CNTNAP5: variants seen among roughly 807,000 people sequenced by gnomAD.
CNTNAP5 encodes contactin-associated protein-like 5.
Under a neutral mutation model 150.2 loss-of-function variants are expected in CNTNAP5, and 72 were observed. The ratio of observed to expected loss-of-function variants is 0.48; its 90% confidence interval spans 0.40 to 0.58. The LOEUF (loss-of-function observed/expected upper bound fraction) is 0.58, where lower values mean the gene tolerates loss of function less well. CNTNAP5 is among the 20% of genes least tolerant of loss of function. The pLI is 0.00. For missense variants in CNTNAP5, 1,636 were observed against 1,626.2 expected (o/e 1.01, Z -0.10); for synonymous variants, 672 against 619.8 (o/e 1.08, Z -1.25).
chr2:124,129,517 A>AT (rs1558767491), intron 1 of CNTNAP5, among the ~76,000 whole-genome samples: 1 of 148,508 alleles, frequency 6.7e-6, no homozygotes. Flanking sequence ...AGTGGGAATA[A>AT]TTTAAAAAAA....
chr2:124,901,050 A>C (rs1678405264), intron 21 of CNTNAP5, among the ~76,000 whole-genome samples: 1 of 151,744 alleles, frequency 6.6e-6, no homozygotes, highest in Non-Finnish European at 1.5e-5. Flanking sequence ...GCAAATATAT[A>C]CCAATGCTGT....
intron 19 of CNTNAP5, among the ~76,000 whole-genome samples, chr2:124,815,567 T>C (rs1361358296): frequency 1.3e-5 from 2 of 152,200 alleles, no homozygotes; most frequent in Non-Finnish European, 2.9e-5. Context: ...CAGTCATGTC[T>C]TCCTGTTAAG....
intron 1 of CNTNAP5, among the ~76,000 whole-genome samples, chr2:124,116,852 A>C (rs1683441618): frequency 6.6e-6 from 1 of 152,152 alleles, no homozygotes; most frequent in South Asian, 2.1e-4. Flanking sequence ...CATTTCACTA[A>C]CTGGGTCCTT....
intron 13 of CNTNAP5, among the ~76,000 whole-genome samples, chr2:124,663,277 G>T (rs950752450): frequency 6.6e-6 from 1 of 152,136 alleles, no homozygotes; most frequent in Admixed American, 6.5e-5. Flanking sequence ...TTAGACATTC[G>T]CTTGAACTGT....
chr2:124,305,717 C>T (rs908403927), intron 3 of CNTNAP5, among the ~76,000 whole-genome samples: 8 of 152,298 alleles, frequency 5.3e-5, no homozygotes, highest in East Asian at 1.9e-4. Flanking sequence ...CTCTTTCATT[C>T]TCTCTTGCCT....
chr2:124,792,906 C>G (rs1048069101), intron 18 of CNTNAP5, among the ~76,000 whole-genome samples: 3 of 152,134 alleles, frequency 2.0e-5, no homozygotes, highest in African/African-American at 7.2e-5. Flanking sequence ...TGTGAAAGCA[C>G]CACAGTTTGT....
intron 12 of CNTNAP5, among the ~76,000 whole-genome samples, chr2:124,620,745 GCACACACA>G (rs3039903): frequency 0.017 from 1,730 of 103,704 alleles, 39 homozygotes; most frequent in African/African-American, 0.045. Context: ...ACACACACAT[GCACACACA>G]CACACACACA....
chr2:124,087,174 G>A (rs965735314), intron 1 of CNTNAP5, among the ~76,000 whole-genome samples: 15 of 151,616 alleles, frequency 9.9e-5, no homozygotes, highest in African/African-American at 1.5e-4. Flanking sequence ...CACATTATAC[G>A]ACATTACAAT....
At chr2:124,320,251 T>C (rs1331662947) in intron 3 of CNTNAP5, among the ~76,000 whole-genome samples, 1 of 152,220 alleles carries the variant, frequency 6.6e-6, no homozygotes, top group African/African-American at 2.4e-5. Context: ...TGTTGATAGA[T>C]TGCTTTCCTC....
At chr2:124,707,018 G>GAGA (rs200269843) in intron 13 of CNTNAP5, among the ~76,000 whole-genome samples, 12,195 of 74,556 alleles carry the variant, frequency 0.16, 2,162 homozygotes, top group Non-Finnish European at 0.24. Context: ...GGAGGAGGAG[G>GAGA]AGAAGAAGAA....
chr2:124,486,259 G>A (rs1693878278), intron 7 of CNTNAP5, among the ~76,000 whole-genome samples: 1 of 152,136 alleles, frequency 6.6e-6, no homozygotes, highest in Admixed American at 6.5e-5. Context: ...CTATGAGGAT[G>A]CAAAGGTATA....
intron 21 of CNTNAP5, among the ~76,000 whole-genome samples, chr2:124,871,012 G>A (rs1677735804): frequency 6.6e-6 from 1 of 152,054 alleles, no homozygotes; most frequent in Non-Finnish European, 1.5e-5. Flanking sequence ...CCAAATAGCA[G>A]TTGGAAGAAC....
chr2:124,754,993 A>G (rs1426754001), intron 14 of CNTNAP5, among the ~76,000 whole-genome samples: 2 of 152,190 alleles, frequency 1.3e-5, no homozygotes, highest in Admixed American at 1.3e-4. Context: ...ATTCAAAACC[A>G]AAATATCGCA....
In CNTNAP5 at chr2:124,917,874, T is replaced by G. The variant is rs537316852; in HGVS notation, c.*3586T>G. On this transcript the variant is annotated 3_prime_UTR_variant, in exon 24 of 24. Coordinates refer to ENST00000682447, the MANE Select transcript of CNTNAP5 (RefSeq NM_001367498.1). Reference sequence around the variant, plus strand: ...TGCAGCACAAGGTCCCGCACAATTATTTTTGTGAAGCATCTGCCAGACTGA... The same window carrying G: ...TGCAGCACAAGGTCCCGCACAATTAGTTTTGTGAAGCATCTGCCAGACTGA... Among the ~76,000 whole-genome samples the G allele has an allele frequency of 6.6e-6, 1 of 152,194 alleles. No homozygotes were observed. Among genetic ancestry groups the G allele is most frequent in the African/African-American group, 2.4e-5 (1 of 41,578 alleles).
At chr2:124,485,846 C>G (rs1693868366) in intron 7 of CNTNAP5, among the ~76,000 whole-genome samples, 1 of 151,920 alleles carries the variant, frequency 6.6e-6, no homozygotes, top group Admixed American at 6.6e-5. Flanking sequence ...CCTGCAGCGG[C>G]CCTCTAGTGC....
chr2:124,506,063 G>A (rs1427631015), intron 8 of CNTNAP5, among the ~76,000 whole-genome samples: 2 of 152,086 alleles, frequency 1.3e-5, no homozygotes, highest in African/African-American at 2.4e-5. Context: ...AGAAGCCAAG[G>A]CAATATTAAT....
intron 13 of CNTNAP5, among the ~76,000 whole-genome samples, chr2:124,694,140 C>G (rs1286292386): frequency 6.6e-6 from 1 of 152,208 alleles, no homozygotes; most frequent in Non-Finnish European, 1.5e-5. Flanking sequence ...GCTTCCCCCT[C>G]TTTAGTGACC....
At chr2:124,328,141 A>T (rs1187683655) in intron 3 of CNTNAP5, among the ~76,000 whole-genome samples, 1 of 148,772 alleles carries the variant, frequency 6.7e-6, no homozygotes, top group African/African-American at 2.5e-5. Flanking sequence ...CCTACAACAC[A>T]TTTTTTTTTT....
intron 1 of CNTNAP5, among the ~76,000 whole-genome samples, chr2:124,220,166 C>T (rs1450330937): frequency 6.6e-6 from 1 of 151,622 alleles, no homozygotes; most frequent in Non-Finnish European, 1.5e-5. Flanking sequence ...ATAAATCAAA[C>T]CAATTCTTCC....
Sources: gnomAD v4.1 joint callset for allele counts (sites outside exome capture counted in the v4.1 genomes callset) on GRCh38, gnomAD v4.1.1 for gene constraint, MANE v1.5 for transcripts, NCBI Gene and HGNC (gene_info 2026-07-23, HGNC 2026-07-21) for gene names.